Variants in BAIAP2 observed in about 807,000 individuals in gnomAD.
BAIAP2 encodes the protein BAR/IMD domain-containing adapter protein 2.
A neutral mutation model predicts 63.0 loss-of-function variants in BAIAP2; 18 were observed. That is an observed-to-expected ratio of 0.29 (90% confidence interval 0.20 to 0.42). The LOEUF is 0.42. BAIAP2 is among the 10% of genes least tolerant of loss of function. The pLI, the probability that BAIAP2 is intolerant of heterozygous loss-of-function variation, is 1.00. For synonymous variants in BAIAP2, 386 were observed against 307.6 expected (o/e 1.25, Z -2.67); for missense variants, 610 against 734.3 (o/e 0.83, Z 1.96).
At chr17:81,098,830 G>A (rs1285157677) in intron 6 of BAIAP2, among the ~76,000 whole-genome samples, 2 of 152,244 alleles carry the variant, frequency 1.3e-5, no homozygotes, top group Admixed American at 6.5e-5. Context: ...GCCGGGTCAG[G>A]GTGGGGACCG....
At chr17:81,080,465 C>T (rs1294902864) in intron 3 of BAIAP2, among the ~76,000 whole-genome samples, 4 of 152,350 alleles carry the variant, frequency 2.6e-5, no homozygotes, top group East Asian at 1.9e-4. Context: ...GCTGGGGGCT[C>T]GGGCTGGCGG....
intron 3 of BAIAP2, among the ~76,000 whole-genome samples, chr17:81,061,358 G>A (rs920981297): frequency 2.0e-5 from 3 of 152,174 alleles, no homozygotes; most frequent in Non-Finnish European, 4.4e-5. Flanking sequence ...GAGTTTTGAC[G>A]TGTGTACACC....
In BAIAP2 at chr17:81,057,870, T is replaced by C; in HGVS notation, c.131-11T>C. The C allele has an allele frequency of 6.2e-7, 1 of 1,607,486 alleles. No individual in the cohort carries two copies. Among genetic ancestry groups the C allele is most frequent in the African/African-American group, 1.3e-5 (1 of 74,832 alleles). On this transcript the variant is annotated splice_polypyrimidine_tract_variant and intron_variant, in intron 2 of 13. Coordinates refer to ENST00000428708, the MANE Select transcript of BAIAP2 (RefSeq NM_001144888.2). ...TGGAGGAAATAACTGCTCCCTTTTC[T>C]TCTCTCTCAGGTGTGACGTATGCAG... is the stretch of plus-strand genomic sequence containing the variant.
intron 6 of BAIAP2, among the ~76,000 whole-genome samples, chr17:81,092,778 G>T (rs1012877896): frequency 6.6e-6 from 1 of 152,170 alleles, no homozygotes; most frequent in East Asian, 1.9e-4. Context: ...GCTGACAGAC[G>T]TGCCCGTCTG....
At chr17:81,067,009 G>A (rs1017007435) in intron 3 of BAIAP2, among the ~76,000 whole-genome samples, 28 of 152,236 alleles carry the variant, frequency 1.8e-4, no homozygotes, top group Non-Finnish European at 8.8e-5. Flanking sequence ...TTACATCCCC[G>A]AGGGGGCCTG....
intron 9 of BAIAP2, 69 bp from the exon 10 acceptor site, chr17:81,104,441 TCAAC>T: frequency 6.7e-7 from 1 of 1,486,120 alleles, no homozygotes; most frequent in Non-Finnish European, 9.0e-7. Context: ...TCTCAGCACC[TCAAC>T]CAGACTCCCT....
At chr17:81,097,124 G>A (rs965442047) in intron 6 of BAIAP2, among the ~76,000 whole-genome samples, 6 of 152,204 alleles carry the variant, frequency 3.9e-5, no homozygotes, top group African/African-American at 1.4e-4. Flanking sequence ...GCCATCTCAG[G>A]TCCCCTTTAG....
intron 1 of BAIAP2, chr17:81,037,007 C>G (rs1190262338): frequency 6.1e-6 from 9 of 1,476,312 alleles, no homozygotes; most frequent in Non-Finnish European, 8.2e-6. Flanking sequence ...ACCCCGTGAT[C>G]GTCCTTAATA....
At chr17:81,052,245 G>C (rs929297147) in intron 1 of BAIAP2, among the ~76,000 whole-genome samples, 1 of 152,168 alleles carries the variant, frequency 6.6e-6, no homozygotes, top group African/African-American at 2.4e-5. Context: ...TGCCTTCCAC[G>C]TCTCGCTGAG....
At chr17:81,110,060 C>T (rs991366608) in intron 13 of BAIAP2, 6 of 985,366 alleles carry the variant, frequency 6.1e-6, no homozygotes, top group African/African-American at 5.2e-5. Flanking sequence ...CTGGTATTGT[C>T]TCTTCCCACA....
At chr17:81,110,784 G>T in intron 13 of BAIAP2, 1 of 1,324,432 alleles carries the variant, frequency 7.6e-7, no homozygotes, top group Non-Finnish European at 1.1e-6. Context: ...CAGAGCCCCA[G>T]CTGTGTGCCG....
rs1358085961 is a variant in BAIAP2 at position 81,116,508 on chromosome 17, G to A, written c.*669G>A. On this transcript the variant is annotated 3_prime_UTR_variant, in exon 14 of 14. Coordinates refer to ENST00000428708, the MANE Select transcript of BAIAP2 (RefSeq NM_001144888.2). ...CCAACCTCCCATCCAGAACCTTGCT[G>A]CCAGGGCCTCCCAGCTCGCTCCTGC... 2.9e-6 allele frequency: 2 copies of A among 678,766 alleles called. No individual in the cohort carries two copies. The highest frequency in any genetic ancestry group is 5.6e-5 in the East Asian group (2 of 35,612). 42.0% of individuals were successfully genotyped at this position (678,766 alleles called of 1,614,324 possible).
intron 6 of BAIAP2, among the ~76,000 whole-genome samples, chr17:81,096,018 T>C (rs536805753): frequency 9.9e-5 from 15 of 152,092 alleles, no homozygotes; most frequent in African/African-American, 3.6e-4. Flanking sequence ...CCAGGGGCCT[T>C]AGTTTGGAAG....
intron 3 of BAIAP2, among the ~76,000 whole-genome samples, chr17:81,071,778 G>T (rs1027511094): frequency 3.9e-5 from 6 of 152,248 alleles, no homozygotes; most frequent in African/African-American, 1.4e-4. Flanking sequence ...AGCTGCTGTG[G>T]CTCACATTCT....
At chr17:81,053,851 C>T (rs1241745626) in intron 2 of BAIAP2, 108 bp downstream of exon 2, 7 of 699,484 alleles carry the variant, frequency 1.0e-5, no homozygotes, top group African/African-American at 7.9e-5. Flanking sequence ...TAGAACTGTG[C>T]CCGGGCCCCG....
In BAIAP2 at chr17:81,100,099, G is replaced by C. The variant is rs372176698; in HGVS notation, c.642+19G>C. ...CTCCAAGGTGAGGCGGCTGGGGGCT[G>C]CGCTGTGCCGGCGCTGGGCCTTGCT... On this transcript the variant is annotated intron_variant, in intron 7 of 13. Coordinates refer to ENST00000428708, the MANE Select transcript of BAIAP2 (RefSeq NM_001144888.2). 1.6e-4 allele frequency: 257 copies of C among 1,599,834 alleles called. No individual in the cohort carries two copies. The highest frequency in any genetic ancestry group is 1.6e-4 in the Non-Finnish European group (187 of 1,172,906).
chr17:81,075,073 C>T (rs576294364), intron 3 of BAIAP2, among the ~76,000 whole-genome samples: 1 of 152,358 alleles, frequency 6.6e-6, no homozygotes, highest in South Asian at 2.1e-4. Flanking sequence ...CAGAGCCATT[C>T]GTGGGAACCC....
At chr17:81,039,036 T>G (rs1164521867) in intron 1 of BAIAP2, among the ~76,000 whole-genome samples, 1 of 152,250 alleles carries the variant, frequency 6.6e-6, no homozygotes, top group Non-Finnish European at 1.5e-5. Context: ...GGATACTTCC[T>G]GGGGTGGCCC....
intron 1 of BAIAP2, among the ~76,000 whole-genome samples, chr17:81,041,104 A>G (rs933749298): frequency 2.6e-5 from 4 of 152,202 alleles, no homozygotes; most frequent in South Asian, 2.1e-4. Flanking sequence ...GACTCACGCT[A>G]TAGAGCCTTG....
Sources: allele counts gnomAD v4.1 joint callset (sites outside exome capture counted in the v4.1 genomes callset), GRCh38; gene constraint gnomAD v4.1.1; transcripts MANE v1.5; gene names NCBI Gene and HGNC (gene_info 2026-07-23, HGNC 2026-07-21).